CDH19: variants seen among roughly 807,000 people sequenced by gnomAD.
CDH19 encodes cadherin 19, also known as cadherin-19.
A neutral mutation model predicts 64.2 loss-of-function variants in CDH19; 67 were observed. That is an observed-to-expected ratio of 1.04 (90% CI 0.86 to 1.28). The LOEUF (loss-of-function observed/expected upper bound fraction) is 1.28, where lower values mean the gene tolerates loss of function less well. Ranked by LOEUF, CDH19 falls within the 50% of genes most tolerant of loss-of-function variation. The probability of loss-of-function intolerance (pLI) is 0.00; values close to 1 mark genes in which losing one functional copy is unlikely to be tolerated. For missense variants in CDH19, 1,030 were observed against 929.0 expected (o/e 1.11, Z -1.41); for synonymous variants, 346 against 319.3 (o/e 1.08, Z -0.89).
chr18:66,535,328 T>C (rs915528712), intron 7 of CDH19, among the ~76,000 whole-genome samples: 1 of 151,614 alleles, frequency 6.6e-6, no homozygotes, highest in African/African-American at 2.4e-5. Flanking sequence ...AATTGATGGA[T>C]GCTAAATCTA....
chr18:66,552,822 G>A (rs528173727), intron 4 of CDH19, among the ~76,000 whole-genome samples: 1 of 133,788 alleles, frequency 7.5e-6, no homozygotes, highest in Non-Finnish European at 1.5e-5. Flanking sequence ...AAGAAAACAT[G>A]GTCACGAAGG....
At chr18:66,581,550 GGAA>G (rs1988421696) in intron 1 of CDH19, among the ~76,000 whole-genome samples, 1 of 152,060 alleles carries the variant, frequency 6.6e-6, no homozygotes, top group East Asian at 1.9e-4. Flanking sequence ...CAAAGCAGGT[GGAA>G]GAAGGTGGGA....
intron 9 of CDH19, among the ~76,000 whole-genome samples, chr18:66,521,638 T>C (rs1176096527): frequency 6.6e-6 from 1 of 151,734 alleles, no homozygotes; most frequent in Non-Finnish European, 1.5e-5. Flanking sequence ...TGGGCTCAAG[T>C]AATCCTCCCT....
intron 1 of CDH19, among the ~76,000 whole-genome samples, chr18:66,592,145 G>T (rs886598490): frequency 1.7e-4 from 26 of 151,966 alleles, no homozygotes; most frequent in African/African-American, 6.0e-4. Flanking sequence ...GATGAACTAT[G>T]ATTAATTCTA....
chr18:66,520,339 C>CTTT (rs1467363662), intron 9 of CDH19, among the ~76,000 whole-genome samples: 12 of 107,246 alleles, frequency 1.1e-4, no homozygotes, highest in East Asian at 3.3e-4. Flanking sequence ...AAGAAAATAG[C>CTTT]TGTTTTTTTT....
chr18:66,520,114 G>C (rs1352156655), intron 9 of CDH19, among the ~76,000 whole-genome samples: 1 of 152,084 alleles, frequency 6.6e-6, no homozygotes, highest in Admixed American at 6.5e-5. Flanking sequence ...GAACTCGGGA[G>C]GCAGAGGTTG....
At position 66,530,153 on chromosome 18, in the gene CDH19, C is replaced by T. The variant is rs113839367; in HGVS notation, c.1337-187G>A. Among the ~76,000 whole-genome samples the T allele has an allele frequency of 2.6e-3, 395 of 152,022 alleles. 1 individual carries two copies. The highest frequency in any genetic ancestry group is 9.0e-3 in the African/African-American group (372 of 41,490). ...ATAGATCCTAGAAAAAAATTCCATG[C>T]TCAATATATTCAAACCAAGCAATAT... On this transcript the variant is annotated intron_variant, in intron 8 of 11. Transcript: ENST00000262150.
At chr18:66,570,022 CT>C (rs918148198) in intron 2 of CDH19, among the ~76,000 whole-genome samples, 1 of 151,556 alleles carries the variant, frequency 6.6e-6, no homozygotes, top group African/African-American at 2.4e-5. Context: ...TCCAGATTGT[CT>C]TTCTGGTAAT....
intron 9 of CDH19, among the ~76,000 whole-genome samples, chr18:66,523,627 G>A (rs909211772): frequency 6.6e-6 from 1 of 151,474 alleles, no homozygotes; most frequent in Non-Finnish European, 1.5e-5. Flanking sequence ...TGGGGGGGGA[G>A]TGGGTCTCAA....
At chr18:66,602,458 A>AT (rs1057180563) in intron 1 of CDH19, among the ~76,000 whole-genome samples, 5 of 151,918 alleles carry the variant, frequency 3.3e-5, no homozygotes, top group African/African-American at 4.8e-5. Flanking sequence ...TTAATCAAAA[A>AT]TTTTTTTATG....
chr18:66,532,916 T>A (rs1986511505), intron 8 of CDH19, among the ~76,000 whole-genome samples: 1 of 152,056 alleles, frequency 6.6e-6, no homozygotes, highest in Non-Finnish European at 1.5e-5. Flanking sequence ...TACTTGAATA[T>A]CTAGATAATA....
chr18:66,558,250 T>G (rs1027102194), intron 3 of CDH19, among the ~76,000 whole-genome samples: 4 of 150,904 alleles, frequency 2.7e-5, no homozygotes, highest in African/African-American at 9.7e-5. Flanking sequence ...GTTTTTCTCT[T>G]AATTTTTATT....
intron 7 of CDH19, among the ~76,000 whole-genome samples, chr18:66,542,525 TATAAC>T (rs1188997309): frequency 1.6e-4 from 24 of 152,102 alleles, no homozygotes; most frequent in Admixed American, 1.3e-3. Flanking sequence ...CAAAATAAAT[TATAAC>T]ATAGTAACTG....
chr18:66,554,202 AT>A (rs1216489920), intron 4 of CDH19, among the ~76,000 whole-genome samples: 1 of 152,002 alleles, frequency 6.6e-6, no homozygotes, highest in Non-Finnish European at 1.5e-5. Context: ...TACATAAGTA[AT>A]TTGTGCTATG....
At chr18:66,553,895 C>A (rs1015279627) in intron 4 of CDH19, among the ~76,000 whole-genome samples, 1 of 133,562 alleles carries the variant, frequency 7.5e-6, no homozygotes, top group South Asian at 2.4e-4. Flanking sequence ...AATCAGAAAT[C>A]TGTAAAATAC....
At position 66,568,456 on chromosome 18, in the gene CDH19, A is replaced by C; in HGVS notation, c.450T>G (p.Asp150Glu). Residue 150 changes from aspartate to glutamate, a missense_variant, in exon 3 of 12, where the codon GAT becomes GAG. Physicochemically the swap from Asp to Glu is conservative, Grantham distance 45. Transcript: ENST00000262150. ...CTGGTACAATGGCCTCATAAGGTTC[A>C]TCTAGGAATTTTGGTTCATTGTCAT... ...DINDNEPKFL[D>E]EPYEAIVPEM... 1 of 1,611,988 alleles carries C rather than the reference A, an allele frequency of 6.2e-7. No homozygotes were observed. Among genetic ancestry groups the C allele is most frequent in the Non-Finnish European group, 8.5e-7 (1 of 1,178,738 alleles).
intron 7 of CDH19, among the ~76,000 whole-genome samples, chr18:66,541,316 C>T (rs1986877551): frequency 6.6e-6 from 1 of 151,662 alleles, no homozygotes; most frequent in South Asian, 2.1e-4. Context: ...AACAATGAGA[C>T]ATCCCTAAGG....
chr18:66,521,012 G>T (rs1487371326), intron 9 of CDH19, among the ~76,000 whole-genome samples: 1 of 151,610 alleles, frequency 6.6e-6, no homozygotes, highest in Non-Finnish European at 1.5e-5. Flanking sequence ...CCTTTACTTT[G>T]GTTATTATTC....
chr18:66,516,159 C>T (rs763685734), intron 9 of CDH19, among the ~76,000 whole-genome samples: 2 of 151,812 alleles, frequency 1.3e-5, no homozygotes, highest in African/African-American at 4.8e-5. Flanking sequence ...TGACTTTATA[C>T]TGAGGGACAC....
Sources: allele counts gnomAD v4.1 joint callset (sites outside exome capture counted in the v4.1 genomes callset), GRCh38; gene constraint gnomAD v4.1.1; transcripts MANE v1.5; gene names NCBI Gene and HGNC (gene_info 2026-07-23, HGNC 2026-07-21).